KIF23: variants seen among roughly 807,000 people sequenced by gnomAD.
KIF23 encodes kinesin-like protein KIF23.
KIF23 carries 30 observed loss-of-function variants against 137.5 expected under a neutral mutation model. The observed-to-expected ratio is 0.22, with a 90% CI of 0.16 to 0.30. The LOEUF is 0.30. Ranked by LOEUF, KIF23 falls within the 10% of genes least tolerant of loss-of-function variation. The pLI is 1.00. For missense variants in KIF23, 920 were observed against 1,194.3 expected, an observed-to-expected ratio of 0.77 and a Z score of 3.38; for synonymous variants, 367 against 391.1, an observed-to-expected ratio of 0.94 and a Z score of 0.73.
intron 19 of KIF23, chr15:69,443,707 A>T (rs1196873767): frequency 3.3e-5 from 5 of 152,186 alleles, no homozygotes; most frequent in African/African-American, 9.7e-5. Flanking sequence ...TATGGCATAT[A>T]TGTGACATAT....
At position 69,420,391 on chromosome 15, in the gene KIF23, A is replaced by T. The variant is rs543785010; in HGVS notation, c.211-1256A>T. On this transcript the variant is annotated intron_variant, in intron 3 of 23. Transcript: ENST00000679126. ...TTACCTTGAAAGGAGGGAGTCATTC[A>T]TGAGGACTGTGAGGTCATCTATCTT... is the stretch of plus-strand genomic sequence containing the variant. Among the ~76,000 whole-genome samples, 3 of 152,342 alleles carry T rather than the reference A, an allele frequency of 2.0e-5. No individual in the cohort carries two copies. The South Asian group carries it at 6.2e-4, about 32-fold the overall frequency.
chr15:69,419,189 A>G (rs750870825), intron 3 of KIF23, among the ~76,000 whole-genome samples: 1 of 152,186 alleles, frequency 6.6e-6, no homozygotes, highest in African/African-American at 2.4e-5. Context: ...CTGGTAACCA[A>G]TCTCAGACTG....
chr15:69,417,607 A>G (rs568124301), intron 3 of KIF23, 96 bp downstream of exon 3: 2 of 1,344,308 alleles, frequency 1.5e-6, no homozygotes, highest in East Asian at 4.8e-5. Flanking sequence ...TTGTGAGCCC[A>G]CATTTTCAAA....
intron 10 of KIF23, 151 bp downstream of exon 10, chr15:69,426,608 C>G (rs2057199637): frequency 9.4e-6 from 7 of 742,320 alleles, no homozygotes; most frequent in Middle Eastern, 3.1e-4. Flanking sequence ...GTAATCCCAG[C>G]TACTTGTGTA....
intron 3 of KIF23, among the ~76,000 whole-genome samples, chr15:69,420,403 A>T: frequency 6.6e-6 from 1 of 152,202 alleles, no homozygotes; most frequent in East Asian, 1.9e-4. Flanking sequence ...GAGGACTGTG[A>T]GGTCATCTAT....
chr15:69,423,869 A>T (rs546553282), intron 7 of KIF23, among the ~76,000 whole-genome samples: 1 of 152,300 alleles, frequency 6.6e-6, no homozygotes, highest in Admixed American at 6.5e-5. Flanking sequence ...GAGACGTAAG[A>T]CTGGTTACCA....
intron 11 of KIF23, among the ~76,000 whole-genome samples, chr15:69,433,154 G>A (rs142793966): frequency 1.4e-3 from 218 of 152,284 alleles, no homozygotes; most frequent in Non-Finnish European, 2.3e-3. Context: ...GAAGAAGAAA[G>A]AACATTAGGA....
chr15:69,423,765 C>T (rs1018633965), intron 7 of KIF23, among the ~76,000 whole-genome samples: 2 of 152,130 alleles, frequency 1.3e-5, no homozygotes, highest in African/African-American at 4.8e-5. Context: ...ACTTACATAT[C>T]TTCTATCATT....
At chr15:69,432,650 T>C (rs1438687526) in intron 11 of KIF23, among the ~76,000 whole-genome samples, 1 of 152,128 alleles carries the variant, frequency 6.6e-6, no homozygotes. Flanking sequence ...GTATAGTATT[T>C]CTGAAGGTAT....
chr15:69,422,982 A>G (rs776647090), intron 6 of KIF23, 177 bp from the exon 7 acceptor site: 2 of 470,100 alleles, frequency 4.3e-6, no homozygotes, highest in Non-Finnish European at 7.5e-6. Flanking sequence ...TATTTTTAGT[A>G]GAGACGGGGT....
At position 69,426,271 on chromosome 15, in the gene KIF23, T is replaced by C. The variant is rs1469879098; in HGVS notation, c.890-65T>C. On this transcript the variant is annotated intron_variant, in intron 9 of 23. Coordinates refer to ENST00000679126, the MANE Select transcript of KIF23 (RefSeq NM_001367805.3). ...TTTGATGGCAATTTTTTTTGACTTA[T>C]TAGAAAGCATGTATAATGAAATGAC... The C allele has an allele frequency of 5.0e-6, 8 of 1,604,004 alleles. No individual in the cohort carries two copies. The East Asian group carries it at 1.3e-4, about 27-fold the overall frequency.
intron 8 of KIF23, 37 bp from the exon 9 acceptor site, chr15:69,426,033 T>A: frequency 1.5e-6 from 2 of 1,326,830 alleles, no homozygotes; most frequent in Non-Finnish European, 2.0e-6. Flanking sequence ...CAGCATCTCA[T>A]AATTTAGGAG....
In KIF23 at chr15:69,436,272, G is replaced by T. The variant is rs780107458; in HGVS notation, c.1438+11G>T. The T allele has an allele frequency of 3.7e-6, 6 of 1,609,088 alleles. No individual in the cohort carries two copies. The highest frequency in any genetic ancestry group is 1.1e-5 in the South Asian group (1 of 89,648). On this transcript the variant is annotated intron_variant, in intron 14 of 23. Transcript: ENST00000679126. ...GTCCAGTTGGAAATGGTATGATTTG[G>T]TGTTGTATCATTTGTCCACTCATTG...
chr15:69,436,347 A>G, intron 14 of KIF23, 86 bp downstream of exon 14: 2 of 1,475,918 alleles, frequency 1.4e-6, no homozygotes. Flanking sequence ...TTTAAGAGAA[A>G]TGTTTACATA....
chr15:69,421,936 A>G, intron 4 of KIF23, 56 bp from the exon 5 acceptor site: 2 of 1,586,592 alleles, frequency 1.3e-6, no homozygotes, highest in Non-Finnish European at 1.7e-6. Flanking sequence ...CAGTGAAGAA[A>G]TACTCTAAGT....
At position 69,446,744 on chromosome 15, in the gene KIF23, C is replaced by T. The variant is rs991182465; in HGVS notation, c.2839-127C>T. ...AAATTACGAGTGACTGGTGTTTTAA[C>T]GTAAGAGTCTTTGCTGAACTAGAAA... On this transcript the variant is annotated intron_variant, in intron 22 of 23. Coordinates refer to ENST00000679126, the MANE Select transcript of KIF23 (RefSeq NM_001367805.3). 76 of 858,078 alleles carry T rather than the reference C, an allele frequency of 8.9e-5. No individual in the cohort carries two copies. The African/African-American group carries it at 1.0e-3, about 11-fold the overall frequency. The allele number at this position is 858,078 out of a possible 1,614,324, so 53.2% of individuals were successfully genotyped here.
At chr15:69,443,333 T>G (rs1236149380) in intron 19 of KIF23, among the ~76,000 whole-genome samples, 167 of 114,922 alleles carry the variant, frequency 1.5e-3, no homozygotes, top group Non-Finnish European at 2.2e-3. Context: ...TGGGTTTTTT[T>G]TTTTTTTTTT....
rs914396912 is a variant in KIF23 at position 69,421,723 on chromosome 15, T to C, written c.287T>C (p.Leu96Ser). ...CTCTTTGATGTTGTGGCTAATCCCTTGGTCAATGACCTCATTCATGGCAAA... is the reference window on the plus strand; with the variant it reads ...CTCTTTGATGTTGTGGCTAATCCCTCGGTCAATGACCTCATTCATGGCAAA... Reference protein sequence around the residue: ...KELFDVVANPLVNDLIHGKNG... With the variant: ...KELFDVVANPSVNDLIHGKNG... The change falls in exon 4 of 24, where the codon TTG becomes TCG. Residue 96 changes from leucine to serine, a missense_variant. Transcript: ENST00000679126. The C allele has an allele frequency of 6.2e-7, 1 of 1,613,690 alleles. No individual in the cohort carries two copies. The highest frequency in any genetic ancestry group is 8.5e-7 in the Non-Finnish European group (1 of 1,179,632).
chr15:69,436,784 T>A, intron 15 of KIF23, 62 bp downstream of exon 15: 4 of 1,121,456 alleles, frequency 3.6e-6, no homozygotes, highest in Non-Finnish European at 4.8e-6. Context: ...AGACATAGTT[T>A]CACTCTGTAC....
Sources: gnomAD v4.1 joint callset for allele counts (sites outside exome capture counted in the v4.1 genomes callset) on GRCh38, gnomAD v4.1.1 for gene constraint, MANE v1.5 for transcripts, NCBI Gene and HGNC (gene_info 2026-07-23, HGNC 2026-07-21) for gene names.